The following MYOM2 variants were observed in gnomAD, a reference collection of about 807,000 sequenced individuals.
The protein encoded by MYOM2 is myomesin 2.
MYOM2 carries 254 observed loss-of-function variants against 187.6 expected under a neutral mutation model. That is an observed-to-expected ratio of 1.35 (90% CI 1.22 to 1.50). MYOM2 has a LOEUF of 1.50. Ranked by LOEUF, MYOM2 falls within the 40% of genes most tolerant of loss-of-function variation. The pLI is 0.00. For missense variants in MYOM2, 2,796 were observed against 1,924.0 expected, an observed-to-expected ratio of 1.45 and a Z score of -8.48; for synonymous variants, 981 against 753.8, an observed-to-expected ratio of 1.30 and a Z score of -4.94.
chr8:2,119,173 G>A (rs551877518), intron 28 of MYOM2: 1 of 152,480 alleles, frequency 6.6e-6, no homozygotes, highest in African/African-American at 2.4e-5. Flanking sequence ...GTCATCTGGA[G>A]CATGTGGATT....
intron 21 of MYOM2, 25 bp downstream of exon 21, chr8:2,102,806 A>G (rs2294072): frequency 0.19 from 297,074 of 1,561,220 alleles, 30,321 homozygotes; most frequent in African/African-American, 0.37. Flanking sequence ...AAAAACTACA[A>G]AACAGCAATG....
intron 19 of MYOM2, among the ~76,000 whole-genome samples, chr8:2,100,196 G>C (rs1483816425): frequency 9.6e-5 from 9 of 94,178 alleles, no homozygotes; most frequent in African/African-American, 2.1e-4. Context: ...TTCCCTCCCT[G>C]CCTCCCGCCT....
intron 14 of MYOM2, among the ~76,000 whole-genome samples, chr8:2,088,097 G>A (rs1418267636): frequency 6.6e-6 from 1 of 151,726 alleles, no homozygotes; most frequent in African/African-American, 2.4e-5. Flanking sequence ...GGGGGTATTT[G>A]GTTACATGAG....
intron 19 of MYOM2, 69 bp downstream of exon 19, chr8:2,099,052 G>A: frequency 6.7e-7 from 1 of 1,494,452 alleles, no homozygotes; most frequent in Non-Finnish European, 9.0e-7. Context: ...CTCTGTGGCT[G>A]CGACTCTGGA....
intron 32 of MYOM2, among the ~76,000 whole-genome samples, chr8:2,131,948 G>C (rs1421949724): frequency 6.6e-6 from 1 of 152,004 alleles, no homozygotes; most frequent in Non-Finnish European, 1.5e-5. Flanking sequence ...CGGCCAATAG[G>C]CATTTCTTTA....
At chr8:2,050,704 C>A in intron 1 of MYOM2, 51 bp from the exon 2 acceptor site, 1 of 1,065,696 alleles carries the variant, frequency 9.4e-7, no homozygotes, top group African/African-American at 1.6e-5. Context: ...ATGGCAGAGG[C>A]CTCATGATGC....
chr8:2,080,894 C>T (rs888749950), intron 13 of MYOM2, among the ~76,000 whole-genome samples: 3 of 147,444 alleles, frequency 2.0e-5, no homozygotes, highest in African/African-American at 5.1e-5. Flanking sequence ...CAGCCCAGCC[C>T]GTGCAGAATG....
intron 18 of MYOM2, chr8:2,097,306 G>T (rs930736274): frequency 6.4e-6 from 1 of 155,930 alleles, no homozygotes; most frequent in African/African-American, 2.4e-5. Flanking sequence ...TTCAACCTCT[G>T]TTCTGATCCC....
chr8:2,094,351 TCATGTTAAAATATATG>T (rs1423014341), intron 17 of MYOM2, among the ~76,000 whole-genome samples: 1 of 142,656 alleles, frequency 7.0e-6, no homozygotes, highest in Non-Finnish European at 1.5e-5. Flanking sequence ...ATACCTGTAC[TCATGTTAAAATATATG>T]CTGTAGGCTG....
chr8:2,106,995 T>C (rs1437677777), intron 23 of MYOM2, among the ~76,000 whole-genome samples: 1 of 152,166 alleles, frequency 6.6e-6, no homozygotes, highest in African/African-American at 2.4e-5. Context: ...AAAAATTTTT[T>C]TATGCATGTA....
chr8:2,072,933 C>G (rs1819284735), intron 9 of MYOM2, among the ~76,000 whole-genome samples: 1 of 152,194 alleles, frequency 6.6e-6, no homozygotes, highest in African/African-American at 2.4e-5. Flanking sequence ...TATGGAGGGT[C>G]TATGCTGGGT....
intron 8 of MYOM2, 32 bp from the exon 9 acceptor site, chr8:2,072,313 C>A: frequency 1.9e-6 from 3 of 1,592,960 alleles, no homozygotes; most frequent in Non-Finnish European, 2.6e-6. Flanking sequence ...CTCTGCCCTT[C>A]GGCCCTGAAA....
At position 2,052,183 on chromosome 8, in the gene MYOM2, C is replaced by T. The variant is rs771300738; in HGVS notation, c.133C>T (p.Gln45Ter). ...KKRASTQASS[Q>*]KSLSQRSSSQ... ...GCGAGCTTCCACCCAGGCATCTTCC[C>T]AGAAGTCCTTGAGTCAGCGGTCGTC... Residue 45 changes from glutamine to a stop codon, truncating the protein, a stop_gained, in exon 3 of 37, where the codon CAG becomes TAG. Transcript: ENST00000262113. LOFTEE classifies it high-confidence loss of function. The T allele has an allele frequency of 2.5e-6, 4 of 1,613,458 alleles. No individual in the cohort carries two copies. The Admixed American group carries it at 5.0e-5, about 20-fold the overall frequency.
chr8:2,143,932 C>A (rs1179170396), intron 36 of MYOM2, among the ~76,000 whole-genome samples: 1 of 152,208 alleles, frequency 6.6e-6, no homozygotes, highest in South Asian at 2.1e-4. Flanking sequence ...TGGAACACAT[C>A]GTGGAAGCCA....
intron 31 of MYOM2, among the ~76,000 whole-genome samples, chr8:2,125,298 T>C (rs751631028): frequency 6.6e-6 from 1 of 152,224 alleles, no homozygotes; most frequent in Non-Finnish European, 1.5e-5. Context: ...ATTTCACTCT[T>C]CTGCATGTGG....
intron 36 of MYOM2, among the ~76,000 whole-genome samples, chr8:2,144,326 G>A (rs1031788683): frequency 4.6e-5 from 7 of 152,008 alleles, no homozygotes; most frequent in Non-Finnish European, 8.8e-5. Context: ...GGAAATTTGG[G>A]AGCAGACTGG....
rs564509220 is a variant in MYOM2, at chr8:2,072,366, C to T, written c.815C>T (p.Pro272Leu). ...GCAGTGCCCCTGTCATCGATGATTC[C>T]GTACACGCACTTCGACGTCCAGTTT... ...PIGLPLSSMI[P>L]YTHFDVQFLE... is the part of the protein sequence containing the mutation. Residue 272 changes from proline (P) to leucine (L), a missense_variant, in exon 9 of 37, where the codon CCG becomes CTG. Transcript: ENST00000262113. 29 of 1,614,112 alleles carry T rather than the reference C, an allele frequency of 1.8e-5. No homozygotes were observed. The highest frequency in any genetic ancestry group is 1.7e-4 in the Middle Eastern group (1 of 6,060).
At chr8:2,085,481 C>T (rs1164233078) in intron 14 of MYOM2, 91 bp downstream of exon 14, 11 of 1,438,216 alleles carry the variant, frequency 7.6e-6, no homozygotes, top group East Asian at 5.1e-5. Context: ...GTCGTGATCT[C>T]CGCGTGGCCC....
intron 9 of MYOM2, 151 bp downstream of exon 9, chr8:2,072,660 G>A (rs1483657609): frequency 1.9e-6 from 2 of 1,034,796 alleles, no homozygotes; most frequent in Admixed American, 2.9e-5. Context: ...AGGACTTGGT[G>A]GCCCACCGTT....
Sources: gnomAD v4.1 joint callset for allele counts (sites outside exome capture counted in the v4.1 genomes callset) on GRCh38, gnomAD v4.1.1 for gene constraint, MANE v1.5 for transcripts, NCBI Gene and HGNC (gene_info 2026-07-23, HGNC 2026-07-21) for gene names.